Variants in BCKDHB observed in about 807,000 individuals in gnomAD.
BCKDHB encodes 2-oxoisovalerate dehydrogenase subunit beta, mitochondrial.
Under a neutral mutation model 48.5 loss-of-function variants are expected in BCKDHB, and 41 were observed. That is an observed-to-expected ratio of 0.85 (90% CI 0.66 to 1.10). BCKDHB has a LOEUF of 1.10. Among genes scored for constraint, BCKDHB ranks in the 50% least tolerant of loss-of-function variants. The probability of loss-of-function intolerance (pLI) is 0.00; values close to 1 mark genes in which losing one functional copy is unlikely to be tolerated. For missense variants in BCKDHB, 496 were observed against 494.2 expected (o/e 1.00, Z -0.03); for synonymous variants, 201 against 174.8 (o/e 1.15, Z -1.18).
At chr6:80,196,990 A>G (rs1177070634) in intron 6 of BCKDHB, among the ~76,000 whole-genome samples, 5 of 152,160 alleles carry the variant, frequency 3.3e-5, no homozygotes. Context: ...TTCTCTGAGG[A>G]ATGCTTATTA....
chr6:80,268,738 C>G lies in BCKDHB; in HGVS notation c.952-4397C>G, dbSNP rs149998927. Among the ~76,000 whole-genome samples, 294 of 152,204 alleles carry G rather than the reference C, an allele frequency of 1.9e-3. 1 individual carries two copies. The highest frequency in any genetic ancestry group is 2.9e-3 in the Non-Finnish European group (195 of 67,990). On this transcript the variant is annotated intron_variant, in intron 8 of 9. Transcript: ENST00000320393. Reference sequence around the variant, plus strand: ...CAGTTCTCCTAGAATAACAACTTAACAGTTTTCCTGGTTGGATTGTGTTAA... The same window carrying G: ...CAGTTCTCCTAGAATAACAACTTAAGAGTTTTCCTGGTTGGATTGTGTTAA...
intron 6 of BCKDHB, among the ~76,000 whole-genome samples, chr6:80,198,293 G>A (rs1038816696): frequency 1.6e-4 from 24 of 152,108 alleles, no homozygotes; most frequent in African/African-American, 5.6e-4. Context: ...GGAAGTATCC[G>A]ACTCAACATA....
chr6:80,355,896 A>C, the BCKDHB span: 1 of 152,108 alleles, frequency 6.6e-6, no homozygotes, highest in Non-Finnish European at 1.5e-5. Flanking sequence ...TTGAAGCTAT[A>C]CTTCTTTGGG....
At chr6:80,185,115 G>A (rs563091032) in intron 6 of BCKDHB, among the ~76,000 whole-genome samples, 1 of 152,182 alleles carries the variant, frequency 6.6e-6, no homozygotes, top group South Asian at 2.1e-4. Context: ...AAATTTCTTG[G>A]AGGCTTTGTT....
intron 9 of BCKDHB, among the ~76,000 whole-genome samples, chr6:80,336,341 C>A (rs1769588476): frequency 6.6e-6 from 1 of 151,710 alleles, no homozygotes; most frequent in African/African-American, 2.4e-5. Flanking sequence ...TAGATTGTAT[C>A]CAGGGAAACC....
chr6:80,168,780 GGGAA>G, intron 4 of BCKDHB, 91 bp from the exon 5 acceptor site: 10 of 1,089,950 alleles, frequency 9.2e-6, no homozygotes, highest in East Asian at 2.5e-5. Context: ...GCCTTGGGAA[GGGAA>G]GGAAGGAAGG....
intron 3 of BCKDHB, among the ~76,000 whole-genome samples, chr6:80,154,097 T>C (rs1771922321): frequency 6.6e-6 from 1 of 152,188 alleles, no homozygotes; most frequent in Non-Finnish European, 1.5e-5. Flanking sequence ...TGTCTTCTTT[T>C]TCATAAAACT....
intron 8 of BCKDHB, among the ~76,000 whole-genome samples, chr6:80,264,354 T>C (rs1777426506): frequency 6.6e-6 from 1 of 152,204 alleles, no homozygotes; most frequent in Non-Finnish European, 1.5e-5. Context: ...ATAAATAAGA[T>C]GATGAAAGTG....
chr6:80,456,251 A>G, the BCKDHB span, among the ~76,000 whole-genome samples: 1 of 151,930 alleles, frequency 6.6e-6, no homozygotes, highest in Admixed American at 6.6e-5. Flanking sequence ...TACCGCCAAC[A>G]AAAACCCTAA....
intron 1 of BCKDHB, among the ~76,000 whole-genome samples, chr6:80,109,179 C>G (rs776122875): frequency 6.6e-6 from 1 of 152,134 alleles, no homozygotes; most frequent in Admixed American, 6.5e-5. Flanking sequence ...GGAGTTACTA[C>G]TTATCCTCTG....
intron 9 of BCKDHB, among the ~76,000 whole-genome samples, chr6:80,336,875 G>T (rs755404747): frequency 2.0e-4 from 30 of 151,944 alleles, no homozygotes; most frequent in Non-Finnish European, 4.4e-5. Flanking sequence ...TATTAGTTTG[G>T]GGGTAGGTTA....
chr6:80,415,467 G>A, the BCKDHB span, among the ~76,000 whole-genome samples: 57 of 152,228 alleles, frequency 3.7e-4, no homozygotes, highest in African/African-American at 1.3e-3. Flanking sequence ...TAAATTCAGA[G>A]CTTTTAACAT....
chr6:80,171,454 A>G, intron 6 of BCKDHB, 64 bp downstream of exon 6: 3 of 928,196 alleles, frequency 3.2e-6, no homozygotes, highest in South Asian at 3.3e-5. Context: ...TATAGCTCTA[A>G]AAGTTATATC....
At chr6:80,349,426 G>C (rs149628860), downstream of BCKDHB, among the ~76,000 whole-genome samples, 122 of 152,176 alleles carry the variant, frequency 8.0e-4, no homozygotes, top group African/African-American at 2.9e-3. Context: ...GGTGGGTAGT[G>C]GGGGGACAGC....
At chr6:80,341,107 G>T (rs1046100580) in intron 9 of BCKDHB, among the ~76,000 whole-genome samples, 7 of 152,072 alleles carry the variant, frequency 4.6e-5, no homozygotes, top group Non-Finnish European at 2.9e-5. Context: ...TAAAAAGACT[G>T]ATATCCTATT....
intron 3 of BCKDHB, among the ~76,000 whole-genome samples, chr6:80,152,278 C>T (rs575681323): frequency 6.6e-6 from 1 of 152,016 alleles, no homozygotes; most frequent in East Asian, 1.9e-4. Context: ...TTAGATTGCT[C>T]CATTTAAGAA....
At chr6:80,382,850 G>A in the BCKDHB span, among the ~76,000 whole-genome samples, 5 of 152,020 alleles carry the variant, frequency 3.3e-5, no homozygotes, top group South Asian at 1.0e-3. Context: ...TTTATTTGTA[G>A]CAGTTAGCAA....
Position 80,146,582 on chromosome 6 carries a change from T to C in BCKDHB, c.343+17353T>C, listed in dbSNP as rs145434303. On this transcript the variant is annotated intron_variant, in intron 3 of 9. Coordinates refer to ENST00000320393, the MANE Select transcript of BCKDHB (RefSeq NM_183050.4). ...ACAACCTGAAGAAAATGTTGGAAGCTGGAAGGTAAAGGACTTAGGAGGCTT... is the reference window on the plus strand; with the variant it reads ...ACAACCTGAAGAAAATGTTGGAAGCCGGAAGGTAAAGGACTTAGGAGGCTT... Among the ~76,000 whole-genome samples the C allele has an allele frequency of 1.7e-3, 264 of 152,192 alleles. 1 individual carries two copies. The highest frequency in any genetic ancestry group is 6.0e-3 in the African/African-American group (250 of 41,534).
chr6:80,230,100 G>A (rs999333807), intron 8 of BCKDHB, among the ~76,000 whole-genome samples: 2 of 114,778 alleles, frequency 1.7e-5, no homozygotes, highest in African/African-American at 3.4e-5. Flanking sequence ...CTGCAGTGGC[G>A]CTATCCCGGC....
Sources: allele counts gnomAD v4.1 joint callset (sites outside exome capture counted in the v4.1 genomes callset), GRCh38; gene constraint gnomAD v4.1.1; transcripts MANE v1.5; gene names NCBI Gene and HGNC (gene_info 2026-07-23, HGNC 2026-07-21).